Variants in AKIP1 observed in about 807,000 individuals in gnomAD.
The protein encoded by AKIP1 is A-kinase-interacting protein 1.
In AKIP1, 18 loss-of-function variants were observed where a neutral mutation model predicts 22.3. The observed-to-expected ratio is 0.81, with a 90% CI of 0.56 to 1.19. AKIP1 has a LOEUF of 1.19. Among genes scored for constraint, AKIP1 ranks in the 50% most tolerant of loss-of-function variants. AKIP1 has a pLI of 0.00. For synonymous variants in AKIP1, 120 were observed against 102.7 expected (o/e 1.17, Z -1.02); for missense variants, 287 against 264.6 (o/e 1.08, Z -0.59).
In AKIP1 at chr11:8,920,024, A is replaced by ACTG. The variant is rs2064557633; in HGVS notation, c.*547_*549dup. ...TAATGATGCTGTCTGAACAGGTTTTACTGCTTGCTTTCCAAGTAAAGGTTA... is the reference window on the plus strand; with the variant it reads ...TAATGATGCTGTCTGAACAGGTTTTACTGCTGCTTGCTTTCCAAGTAAAGGTTA... On this transcript the variant is annotated 3_prime_UTR_variant, in exon 6 of 6. Coordinates refer to ENST00000309377, the MANE Select transcript of AKIP1 (RefSeq NM_020642.4). 5.9e-6 allele frequency: 1 copy of ACTG among 170,686 alleles called. No homozygotes were observed. The highest frequency in any genetic ancestry group is 2.4e-5 in the African/African-American group (1 of 42,282). The allele number at this position is 170,686 out of a possible 1,614,324, so 10.6% of individuals were successfully genotyped here.
chr11:8,913,081 G>T (rs1348736227), intron 3 of AKIP1, among the ~76,000 whole-genome samples: 2 of 148,094 alleles, frequency 1.4e-5, no homozygotes, highest in Non-Finnish European at 3.0e-5. Context: ...GGGTTTCACT[G>T]TGTTACCCAG....
intron 2 of AKIP1, among the ~76,000 whole-genome samples, 158 bp from the exon 3 acceptor site, chr11:8,912,291 GTCTA>G (rs1482894313): frequency 2.0e-5 from 3 of 151,740 alleles, no homozygotes; most frequent in African/African-American, 7.3e-5. Flanking sequence ...TAAATTGCAT[GTCTA>G]TCTTTTAGAG....
intron 3 of AKIP1, among the ~76,000 whole-genome samples, chr11:8,912,786 A>G (rs1433511408): frequency 6.6e-6 from 1 of 151,814 alleles, no homozygotes; most frequent in Non-Finnish European, 1.5e-5. Context: ...TTCTGCCCTC[A>G]GTGATCTTTC....
At chr11:8,911,367 G>T in intron 1 of AKIP1, 77 bp from the exon 2 acceptor site, 2 of 1,337,890 alleles carry the variant, frequency 1.5e-6, no homozygotes, top group Admixed American at 2.2e-5. Flanking sequence ...CGAGGCTGGG[G>T]CTCCCACCCG....
At position 8,912,461 on chromosome 11, in the gene AKIP1, G is replaced by A. The variant is rs1233314579; in HGVS notation, c.231G>A (p.Glu77=). Residue 77 remains glutamate, a synonymous_variant, in exon 3 of 6, where the codon GAG becomes GAA. Coordinates refer to ENST00000309377, the MANE Select transcript of AKIP1 (RefSeq NM_020642.4). ...GCCATTTATTCAAATAGAGAGAAGA[G>A]AGACCCCCAACCCTTAGTGCTTCCT... The part of the protein sequence containing the change: ...PQRVLPGERE[E]RPPTLSASFR... 1 of 1,613,712 alleles carries A rather than the reference G, an allele frequency of 6.2e-7. No individual in the cohort carries two copies.
intron 3 of AKIP1, among the ~76,000 whole-genome samples, chr11:8,913,020 G>A (rs1383190527): frequency 4.9e-5 from 7 of 142,756 alleles, no homozygotes; most frequent in East Asian, 2.1e-4. Context: ...GACTACAGGC[G>A]CCCACCACCA....
intron 4 of AKIP1, among the ~76,000 whole-genome samples, chr11:8,915,358 CTTTTTTTTTTTTTTTT>C (rs559350653): frequency 1.2e-5 from 1 of 83,982 alleles, no homozygotes; most frequent in African/African-American, 4.5e-5. Context: ...TTTTTTTTTT[CTTTTTTTTTTTTTTTT>C]TTTTTTTGAG....
rs544274582 is a variant in AKIP1, at chr11:8,917,379, A to T, written c.489+12A>T. On this transcript the variant is annotated intron_variant, in intron 5 of 5. Coordinates refer to ENST00000309377, the MANE Select transcript of AKIP1 (RefSeq NM_020642.4). The stretch of plus-strand genomic sequence containing the variant: ...AGGCATCCCAGCCTGTGAGTACGGA[A>T]CTGCTTACGCACTGGGTTTCACCAC... The T allele has an allele frequency of 1.2e-6, 2 of 1,609,942 alleles. No homozygotes were observed. Among genetic ancestry groups the T allele is most frequent in the Non-Finnish European group, 1.7e-6 (2 of 1,176,630 alleles).
At position 8,916,019 on chromosome 11, in the gene AKIP1, G is replaced by A. The variant is rs1036207535; in HGVS notation, c.408+1089G>A. Among the ~76,000 whole-genome samples, 4 of 151,658 alleles carry A rather than the reference G, an allele frequency of 2.6e-5. No individual in the cohort carries two copies. In the South Asian group the frequency reaches 8.3e-4, roughly 32 times the overall value. On this transcript the variant is annotated intron_variant, in intron 4 of 5. Coordinates refer to ENST00000309377, the MANE Select transcript of AKIP1 (RefSeq NM_020642.4). ...GTATTTTTAGTGGAGACGGGGTTTCGCTGTGTTAGCCAGGATGGTCTCGAT... is the reference window on the plus strand; with the variant it reads ...GTATTTTTAGTGGAGACGGGGTTTCACTGTGTTAGCCAGGATGGTCTCGAT...
intron 5 of AKIP1, among the ~76,000 whole-genome samples, chr11:8,918,435 C>A (rs372802228): frequency 6.6e-6 from 1 of 152,182 alleles, no homozygotes; most frequent in East Asian, 1.9e-4. Flanking sequence ...AAAATGTAAA[C>A]ATGATCATTT....
rs200231500 is a variant in AKIP1 at position 8,911,463 on chromosome 11, T to C, written c.14T>C (p.Leu5Ser). 6 of 1,598,426 alleles carry C rather than the reference T, an allele frequency of 3.8e-6. No individual in the cohort carries two copies. The highest frequency in any genetic ancestry group is 4.3e-6 in the Non-Finnish European group (5 of 1,172,886). ...ACTCAGGGAGCCATGGACAACTGTTTGGCGGCCGCAGCGCTGAATGGGGTG... is the reference window on the plus strand; with the variant it reads ...ACTCAGGGAGCCATGGACAACTGTTCGGCGGCCGCAGCGCTGAATGGGGTG... Reference protein sequence around the residue: MDNCLAAAALNGVDR... With the variant: MDNCSAAAALNGVDR... The change falls in exon 2 of 6, where the codon TTG (leucine) becomes TCG (serine). Residue 5 changes from leucine (L) to serine (S), a missense_variant. Leu to Ser is a moderately radical substitution (Grantham distance 145). Coordinates refer to ENST00000309377, the MANE Select transcript of AKIP1 (RefSeq NM_020642.4).
chr11:8,911,412 C>G, intron 1 of AKIP1, 32 bp from the exon 2 acceptor site: 1 of 1,530,410 alleles, frequency 6.5e-7, no homozygotes, highest in Non-Finnish European at 8.8e-7. Flanking sequence ...CCAGCTGACC[C>G]GCCGGCGTTT....
At chr11:8,914,109 T>C (rs1227286248) in intron 3 of AKIP1, among the ~76,000 whole-genome samples, 5 of 152,198 alleles carry the variant, frequency 3.3e-5, no homozygotes, top group Non-Finnish European at 7.3e-5. Context: ...CCTCAAGTGC[T>C]TTCCCCAGCT....
Position 8,912,478 on chromosome 11 carries a change from G to T in AKIP1, c.248G>T (p.Ser83Ile), listed in dbSNP as rs1185704401. The change falls in exon 3 of 6, where the codon AGT becomes ATT. Residue 83 changes from serine (S) to isoleucine (I), a missense_variant. Physicochemically the swap from Ser to Ile is moderately radical, Grantham distance 142. Transcript: ENST00000309377. ...AGAGAAGAGAGACCCCCAACCCTTA[G>T]TGCTTCCTTCAGAACAATGGCTGAA... ...GEREERPPTL[S>I]ASFRTMAEFM... is the part of the protein sequence containing the mutation. 6.2e-7 allele frequency: 1 copy of T among 1,614,116 alleles called. No homozygotes were observed. The highest frequency in any genetic ancestry group is 1.3e-5 in the African/African-American group (1 of 75,044).
rs369071648 is a variant in AKIP1 at position 8,917,291 on chromosome 11, A to G, written c.413A>G (p.Lys138Arg). The G allele has an allele frequency of 1.9e-6, 3 of 1,603,672 alleles. No individual in the cohort carries two copies. The African/African-American group carries it at 4.0e-5, about 21-fold the overall frequency. ...GTGTTCTACTTGTCTCTTCAGAGAA[A>G]AGACAGAAAAAAGACATCCCTTGGT... Reference protein sequence around the residue: ...MCLDIGNGQRKDRKKTSLGPG... With the variant: ...MCLDIGNGQRRDRKKTSLGPG... The change falls in exon 5 of 6, where the codon AAA (lysine) becomes AGA (arginine). Residue 138 changes from lysine to arginine, a missense_variant. Transcript: ENST00000309377.
chr11:8,919,314 C>T lies in AKIP1; in HGVS notation c.490-23C>T, dbSNP rs764779602. On this transcript the variant is annotated intron_variant, in intron 5 of 5. Coordinates refer to ENST00000309377, the MANE Select transcript of AKIP1 (RefSeq NM_020642.4). ...ACTGGGGTATAAAATCTCTAAACTG[C>T]TAATATCCTCTTTTCCTTCTAGGCT... 31 of 1,607,322 alleles carry T rather than the reference C, an allele frequency of 1.9e-5. No homozygotes were observed. The Admixed American group carries it at 2.0e-4, about 11-fold the overall frequency.
At chr11:8,912,608 G>C (rs2064400695) in intron 3 of AKIP1, 75 bp downstream of exon 3, 1 of 1,341,130 alleles carries the variant, frequency 7.5e-7, no homozygotes, top group Non-Finnish European at 1.1e-6. Flanking sequence ...GGAATTTACG[G>C]AGAATCTGGA....
intron 3 of AKIP1, 84 bp from the exon 4 acceptor site, chr11:8,914,742 C>T (rs2064451217): frequency 3.9e-6 from 4 of 1,012,974 alleles, no homozygotes; most frequent in Non-Finnish European, 6.1e-6. Flanking sequence ...CCCTCCTTAA[C>T]TGCACTTTGC....
At chr11:8,915,509 A>T (rs182220379) in intron 4 of AKIP1, among the ~76,000 whole-genome samples, 5 of 151,550 alleles carry the variant, frequency 3.3e-5, no homozygotes, top group Admixed American at 2.6e-4. Context: ...CTACAGGCAC[A>T]TGCCACCACA....
Sources: gnomAD v4.1 joint callset for allele counts (sites outside exome capture counted in the v4.1 genomes callset) on GRCh38, gnomAD v4.1.1 for gene constraint, MANE v1.5 for transcripts, NCBI Gene and HGNC (gene_info 2026-07-23, HGNC 2026-07-21) for gene names.